Variants in PDS5B observed in about 807,000 individuals in gnomAD.
The protein encoded by PDS5B is sister chromatid cohesion protein PDS5 homolog B.
A neutral mutation model predicts 184.1 loss-of-function variants in PDS5B; 51 were observed. The observed-to-expected ratio is 0.28, with a 90% confidence interval of 0.22 to 0.35. The LOEUF is 0.35. Ranked by LOEUF, PDS5B falls within the 10% of genes least tolerant of loss-of-function variation. The probability of loss-of-function intolerance (pLI) is 1.00; values close to 1 mark genes in which losing one functional copy is unlikely to be tolerated. For synonymous variants in PDS5B, 566 were observed against 569.2 expected (o/e 0.99, Z 0.08); for missense variants, 1,180 against 1,723.3 (o/e 0.68, Z 5.58).
intron 3 of PDS5B, among the ~76,000 whole-genome samples, chr13:32,656,844 G>A (rs12561361): frequency 6.6e-6 from 1 of 152,086 alleles, no homozygotes; most frequent in Non-Finnish European, 1.5e-5. Context: ...CCATCCACCC[G>A]CCTTGGCTTT....
chr13:32,605,421 A>C (rs576053104), intron 1 of PDS5B, among the ~76,000 whole-genome samples: 1 of 152,326 alleles, frequency 6.6e-6, no homozygotes, highest in African/African-American at 2.4e-5. Flanking sequence ...GCTTGATTGC[A>C]CTGTGCTCTG....
chr13:32,775,878 G>A lies in PDS5B; in HGVS notation c.*826G>A, dbSNP rs1593676658. 1 of 284,320 alleles carries A rather than the reference G, an allele frequency of 3.5e-6. No homozygotes were observed. The highest frequency in any genetic ancestry group is 9.6e-5 in the East Asian group (1 of 10,408). The allele number at this position is 284,320 out of a possible 1,614,324, so 17.6% of individuals were successfully genotyped here. A position where few individuals can be genotyped will look rare whatever the true frequency, so the allele number is the denominator to read the frequency against. On this transcript the variant is annotated 3_prime_UTR_variant, in exon 35 of 35. Coordinates refer to ENST00000315596, the MANE Select transcript of PDS5B (RefSeq NM_015032.4). ...TCCTTTCAGTTTTTATTAATCTACT[G>A]TATCAATAAAATTCTGTAATTTGAA...
intron 1 of PDS5B, among the ~76,000 whole-genome samples, chr13:32,602,116 A>C (rs1047431190): frequency 3.3e-5 from 5 of 152,122 alleles, no homozygotes; most frequent in Admixed American, 2.6e-4. Flanking sequence ...ATTATACTTT[A>C]AGTGCTAGGG....
intron 1 of PDS5B, among the ~76,000 whole-genome samples, chr13:32,595,931 G>A (rs1195739678): frequency 6.6e-6 from 1 of 152,156 alleles, no homozygotes. Flanking sequence ...AAAGATTTCA[G>A]CGCATTGTAG....
At chr13:32,702,716 C>G (rs879518553) in intron 17 of PDS5B, among the ~76,000 whole-genome samples, 10 of 152,076 alleles carry the variant, frequency 6.6e-5, no homozygotes, top group Non-Finnish European at 8.8e-5. Flanking sequence ...AAAATGATTG[C>G]CATCTATTTA....
chr13:32,594,340 T>G (rs1227081023), intron 1 of PDS5B, among the ~76,000 whole-genome samples: 5 of 152,204 alleles, frequency 3.3e-5, no homozygotes, highest in Non-Finnish European at 1.5e-5. Context: ...ACTGAATGGA[T>G]GTTTGCATAC....
chr13:32,622,302 A>G (rs1272019624), intron 1 of PDS5B, among the ~76,000 whole-genome samples: 2 of 152,028 alleles, frequency 1.3e-5, no homozygotes, highest in Admixed American at 1.3e-4. Context: ...TATTTTCTTT[A>G]CTATTCAATT....
chr13:32,741,587 A>G (rs1173992886), intron 22 of PDS5B, among the ~76,000 whole-genome samples: 4 of 152,128 alleles, frequency 2.6e-5, no homozygotes, highest in Admixed American at 6.6e-5. Flanking sequence ...AAAACCATCT[A>G]TGGCCTGTAG....
At chr13:32,771,694 G>A (rs1954791499) in intron 33 of PDS5B, among the ~76,000 whole-genome samples, 1 of 151,972 alleles carries the variant, frequency 6.6e-6, no homozygotes, top group Admixed American at 6.6e-5. Context: ...AAAAGTAAAG[G>A]TAAGTACATT....
chr13:32,673,129 A>G, intron 7 of PDS5B, 87 bp from the exon 8 acceptor site: 1 of 1,158,816 alleles, frequency 8.6e-7, no homozygotes, highest in South Asian at 1.3e-5. Context: ...GTATAAAATA[A>G]TGATGAATTT....
intron 13 of PDS5B, 108 bp from the exon 14 acceptor site, chr13:32,694,115 C>A: frequency 1.4e-6 from 1 of 718,832 alleles, no homozygotes; most frequent in Non-Finnish European, 2.3e-6. Context: ...TTCATCTCAT[C>A]TCTGTCATCT....
At chr13:32,666,373 C>G (rs905990714) in intron 6 of PDS5B, among the ~76,000 whole-genome samples, 9 of 152,222 alleles carry the variant, frequency 5.9e-5, no homozygotes, top group African/African-American at 2.2e-4. Context: ...GCCACAGTGC[C>G]CATCCTCTTT....
intron 1 of PDS5B, among the ~76,000 whole-genome samples, chr13:32,586,933 G>A (rs2057689512): frequency 6.9e-6 from 1 of 144,634 alleles, no homozygotes; most frequent in Non-Finnish European, 1.5e-5. Context: ...CGGCGGCGGC[G>A]GGCGGTGACC....
intron 20 of PDS5B, among the ~76,000 whole-genome samples, chr13:32,734,520 T>G (rs1028777113): frequency 6.6e-6 from 1 of 152,178 alleles, no homozygotes; most frequent in African/African-American, 2.4e-5. Context: ...CTAGATGTAG[T>G]AAAAGCTTAT....
chr13:32,686,965 T>C (rs1011861436), intron 11 of PDS5B, among the ~76,000 whole-genome samples, 169 bp from the exon 12 acceptor site: 1 of 152,190 alleles, frequency 6.6e-6, no homozygotes, highest in Non-Finnish European at 1.5e-5. Flanking sequence ...ATTTATGTGA[T>C]AGTTGTGTTT....
At chr13:32,598,528 A>G (rs917208552) in intron 1 of PDS5B, among the ~76,000 whole-genome samples, 1 of 152,010 alleles carries the variant, frequency 6.6e-6, no homozygotes, top group African/African-American at 2.4e-5. Context: ...GCTGAAGTGC[A>G]GTGGTGTACC....
At chr13:32,687,503 T>G (rs369739932) in intron 12 of PDS5B, among the ~76,000 whole-genome samples, 200 of 152,290 alleles carry the variant, frequency 1.3e-3, no homozygotes, top group Non-Finnish European at 2.0e-3. Context: ...TACGTTCCAT[T>G]TTCATATACT....
chr13:32,687,036 A>G (rs755559628), intron 11 of PDS5B, 98 bp from the exon 12 acceptor site: 718 of 880,590 alleles, frequency 8.2e-4, no homozygotes, highest in Non-Finnish European at 1.2e-3. Flanking sequence ...AAAAAAATGT[A>G]TAAAGGGAAG....
At chr13:32,597,636 A>G (rs1188026677) in intron 1 of PDS5B, among the ~76,000 whole-genome samples, 2 of 151,994 alleles carry the variant, frequency 1.3e-5, no homozygotes, top group African/African-American at 2.4e-5. Context: ...TTGCAAGGTC[A>G]AGAGATAGAG....
Sources: allele counts gnomAD v4.1 joint callset (sites outside exome capture counted in the v4.1 genomes callset), GRCh38; gene constraint gnomAD v4.1.1; transcripts MANE v1.5; gene names NCBI Gene and HGNC (gene_info 2026-07-23, HGNC 2026-07-21).